The following XKR6 variants were observed in gnomAD, a reference collection of about 807,000 sequenced individuals.
XKR6 encodes XK-related protein 6.
In XKR6, 22 loss-of-function variants were observed where a neutral mutation model predicts 56.7. The ratio of observed to expected loss-of-function variants is 0.39; its 90% CI spans 0.28 to 0.55. The LOEUF is 0.55. Ranked by LOEUF, XKR6 falls within the 20% of genes least tolerant of loss-of-function variation. The probability of loss-of-function intolerance (pLI) is 0.66; values close to 1 mark genes in which losing one functional copy is unlikely to be tolerated. For synonymous variants in XKR6, 524 were observed against 387.8 expected, an observed-to-expected ratio of 1.35 and a Z score of -4.13; for missense variants, 852 against 889.0, an observed-to-expected ratio of 0.96 and a Z score of 0.53.
chr8:11,005,308 T>C (rs1416556902), intron 1 of XKR6, among the ~76,000 whole-genome samples: 1 of 152,138 alleles, frequency 6.6e-6, no homozygotes, highest in Non-Finnish European at 1.5e-5. Context: ...TGGTTGACCT[T>C]GGGTAACTAA....
At position 10,899,991 on chromosome 8, in the gene XKR6, T is replaced by C. The variant is rs553776610; in HGVS notation, c.962-1075A>G. Among the ~76,000 whole-genome samples, 7 of 152,254 alleles carry C rather than the reference T, an allele frequency of 4.6e-5. No homozygotes were observed. In the South Asian group the frequency reaches 1.5e-3, roughly 32 times the overall value. ...TCATACAATCTCCGTTTAAGCAAGA[T>C]TTCCCCCATCACCAACCCCCAACTC... On this transcript the variant is annotated intron_variant, in intron 2 of 2. Transcript: ENST00000416569.
chr8:10,990,679 A>G (rs940400144), intron 1 of XKR6, among the ~76,000 whole-genome samples: 1 of 152,092 alleles, frequency 6.6e-6, no homozygotes, highest in Non-Finnish European at 1.5e-5. Context: ...TCTCAGCTTC[A>G]AGCGATCCTC....
At chr8:10,996,476 T>C (rs1413784810) in intron 1 of XKR6, among the ~76,000 whole-genome samples, 2 of 152,214 alleles carry the variant, frequency 1.3e-5, no homozygotes, top group Non-Finnish European at 2.9e-5. Flanking sequence ...AGAGCACATC[T>C]CTATACTGCT....
intron 1 of XKR6, chr8:11,125,881 T>G (rs1264140271): frequency 6.6e-6 from 1 of 152,202 alleles, no homozygotes; most frequent in African/African-American, 2.4e-5. Context: ...CTCTCCCGTG[T>G]TCTCAGTACT....
At chr8:10,990,840 C>T (rs1031608130) in intron 1 of XKR6, among the ~76,000 whole-genome samples, 2 of 151,252 alleles carry the variant, frequency 1.3e-5, no homozygotes, top group African/African-American at 2.4e-5. Context: ...GCCTCAGCCT[C>T]CCAAAGTGGT....
At chr8:11,169,531 T>C (rs1472908649) in intron 1 of XKR6, among the ~76,000 whole-genome samples, 1 of 152,194 alleles carries the variant, frequency 6.6e-6, no homozygotes, top group African/African-American at 2.4e-5. Flanking sequence ...ATAAGCCAGA[T>C]ACAGAAGGAC....
At chr8:10,955,595 G>T (rs958902177) in intron 1 of XKR6, among the ~76,000 whole-genome samples, 21 of 152,160 alleles carry the variant, frequency 1.4e-4, no homozygotes, top group African/African-American at 4.3e-4. Flanking sequence ...CCATTTTACA[G>T]ATGAAGAAAC....
chr8:10,914,508 A>T (rs1387819788), intron 2 of XKR6, among the ~76,000 whole-genome samples: 1 of 152,114 alleles, frequency 6.6e-6, no homozygotes, highest in African/African-American at 2.4e-5. Flanking sequence ...CGTGATGTCT[A>T]ATAATTAAGG....
In XKR6 at chr8:11,201,064, G is replaced by A; in HGVS notation, c.276C>T (p.Asp92=). The A allele has an allele frequency of 2.3e-6, 3 of 1,310,060 alleles. No homozygotes were observed. Among genetic ancestry groups the A allele is most frequent in the Non-Finnish European group, 2.9e-6 (3 of 1,032,238 alleles). 81.2% of individuals were successfully genotyped at this position (1,310,060 alleles called of 1,614,324 possible). ...GGGCCGCGGGAGGCTGCAGCGGCTG[G>A]TCCCCCCCGTCGGCGGCGGCGCTGC... ...PRRSAAADGG[D]QPLQPPAAPG... Residue 92 remains aspartate, a synonymous_variant, in exon 1 of 3, where the codon GAC becomes GAT. Transcript: ENST00000416569.
intron 1 of XKR6, among the ~76,000 whole-genome samples, chr8:11,044,200 C>T (rs1229393030): frequency 6.6e-6 from 1 of 152,176 alleles, no homozygotes; most frequent in African/African-American, 2.4e-5. Flanking sequence ...ATGTCCTTGC[C>T]TCACCTTTTA....
At position 11,122,528 on chromosome 8, in the gene XKR6, A is replaced by T. The variant is rs115818059; in HGVS notation, c.764+78048T>A. ...TTACTGTCACTGCTGACTACTAGCC[A>T]ATGGGTGCGTAAGCAGTGGCAGGTA... On this transcript the variant is annotated intron_variant, in intron 1 of 2. Coordinates refer to ENST00000416569, the MANE Select transcript of XKR6 (RefSeq NM_173683.4). Among the ~76,000 whole-genome samples, 874 of 152,346 alleles carry T rather than the reference A, an allele frequency of 5.7e-3. 6 individuals carry two copies. Among genetic ancestry groups the T allele is most frequent in the African/African-American group, 0.019 (801 of 41,564 alleles).
At position 10,898,557 on chromosome 8, in the gene XKR6, G is replaced by T. The variant is rs140918359; in HGVS notation, c.1321C>A (p.Arg441=). 3 of 1,613,972 alleles carry T rather than the reference G, an allele frequency of 1.9e-6. No homozygotes were observed. The highest frequency in any genetic ancestry group is 1.3e-5 in the African/African-American group (1 of 74,906). ...FNVKEGRTRY[R]MFAYYTIVLT... ...ACTATCGTATAATATGCAAACATTC[G>T]ATATCGAGTCCGCCCTTCCTTGACG... The change falls in exon 3 of 3, where the codon CGA becomes AGA. Residue 441 remains arginine (R), a synonymous_variant. Coordinates refer to ENST00000416569, the MANE Select transcript of XKR6 (RefSeq NM_173683.4). The surrounding 1 kb of genome is among the most constrained non-coding windows in gnomAD (Gnocchi z 6.6).
intron 1 of XKR6, among the ~76,000 whole-genome samples, chr8:10,994,575 A>T (rs1051074532): frequency 6.6e-6 from 1 of 152,220 alleles, no homozygotes; most frequent in Non-Finnish European, 1.5e-5. Flanking sequence ...ACCAGAGTCC[A>T]TGATCAGAGT....
intron 1 of XKR6, among the ~76,000 whole-genome samples, chr8:11,090,915 C>T (rs1798046256): frequency 6.6e-6 from 1 of 152,096 alleles, no homozygotes; most frequent in Admixed American, 6.6e-5. Flanking sequence ...TTGCAATCAC[C>T]CCATTTGATA....
intron 1 of XKR6, among the ~76,000 whole-genome samples, chr8:11,032,487 G>C (rs1799015536): frequency 6.6e-6 from 1 of 152,192 alleles, no homozygotes; most frequent in African/African-American, 2.4e-5. Context: ...GGGAGGAAGA[G>C]GTTGGGGATA....
chr8:11,196,056 A>T (rs1158542747), intron 1 of XKR6, among the ~76,000 whole-genome samples: 3 of 152,078 alleles, frequency 2.0e-5, no homozygotes, highest in Non-Finnish European at 4.4e-5. Context: ...ACAGCCCACA[A>T]ATGCAAGTAT....
intron 1 of XKR6, among the ~76,000 whole-genome samples, chr8:11,046,671 T>C (rs1799418441): frequency 6.6e-6 from 1 of 152,112 alleles, no homozygotes; most frequent in Admixed American, 6.5e-5. Flanking sequence ...TAGTGCTAAG[T>C]GAAATAAGCC....
chr8:11,148,745 T>C (rs765852573), intron 1 of XKR6, among the ~76,000 whole-genome samples: 11 of 152,230 alleles, frequency 7.2e-5, no homozygotes, highest in Non-Finnish European at 1.5e-4. Context: ...ATCATGTTTA[T>C]TTGTAATAGC....
intron 1 of XKR6, among the ~76,000 whole-genome samples, chr8:11,118,686 G>A (rs993116410): frequency 2.6e-5 from 4 of 152,178 alleles, no homozygotes; most frequent in African/African-American, 9.6e-5. Context: ...GCATCTATTT[G>A]ATTCTTCTCT....
Sources: gnomAD v4.1 joint callset for allele counts (sites outside exome capture counted in the v4.1 genomes callset) on GRCh38, gnomAD v4.1.1 for gene constraint, Gnocchi (gnomAD v3.1) non-coding constraint, MANE v1.5 for transcripts, NCBI Gene and HGNC (gene_info 2026-07-23, HGNC 2026-07-21) for gene names.